The following MPPED2 variants were observed in gnomAD, a reference collection of about 807,000 sequenced individuals.
MPPED2 encodes the protein metallophosphoesterase MPPED2.
Under a neutral mutation model 33.0 loss-of-function variants are expected in MPPED2, and 5 were observed. That is an observed-to-expected ratio of 0.15 (90% CI 0.08 to 0.32). MPPED2 has a LOEUF of 0.32. Among genes scored for constraint, MPPED2 ranks in the 10% least tolerant of loss-of-function variants. The pLI, the probability that MPPED2 is intolerant of heterozygous loss-of-function variation, is 1.00. For synonymous variants in MPPED2, 136 were observed against 141.9 expected (o/e 0.96, Z 0.29); for missense variants, 275 against 372.1 (o/e 0.74, Z 2.15).
At chr11:30,478,927 G>T (rs975304632) in intron 4 of MPPED2, among the ~76,000 whole-genome samples, 7 of 152,084 alleles carry the variant, frequency 4.6e-5, no homozygotes, top group African/African-American at 1.7e-4. Context: ...AGAGAAAAAA[G>T]TTCTTGATGC....
At chr11:30,409,153 C>G (rs1948034536), downstream of MPPED2, among the ~76,000 whole-genome samples, 1 of 152,154 alleles carries the variant, frequency 6.6e-6, no homozygotes, top group Non-Finnish European at 1.5e-5. Context: ...ATCGTGATTA[C>G]CCACCTATCT....
intron 4 of MPPED2, among the ~76,000 whole-genome samples, chr11:30,428,774 G>C (rs1050047832): frequency 6.6e-6 from 1 of 152,104 alleles, no homozygotes; most frequent in Non-Finnish European, 1.5e-5. Context: ...GATTAAATGT[G>C]ATAATATATG....
intron 3 of MPPED2, among the ~76,000 whole-genome samples, chr11:30,516,684 C>T (rs1382580049): frequency 6.6e-6 from 1 of 152,110 alleles, no homozygotes; most frequent in Non-Finnish European, 1.5e-5. Flanking sequence ...TTCAATGGCA[C>T]TGTAATGCCC....
At chr11:30,523,474 G>A (rs1251985927) in intron 3 of MPPED2, among the ~76,000 whole-genome samples, 1 of 151,990 alleles carries the variant, frequency 6.6e-6, no homozygotes, top group Admixed American at 6.6e-5. Context: ...GATAGGACAG[G>A]ATATTAACAA....
chr11:30,408,964 G>A (rs974554386), downstream of MPPED2, among the ~76,000 whole-genome samples: 23 of 152,182 alleles, frequency 1.5e-4, no homozygotes, highest in Non-Finnish European at 5.9e-5. Flanking sequence ...GAGGCAGCTC[G>A]TGCATATGAA....
chr11:30,408,388 T>G (rs987133001), downstream of MPPED2, among the ~76,000 whole-genome samples: 4 of 152,204 alleles, frequency 2.6e-5, no homozygotes, highest in African/African-American at 9.7e-5. Flanking sequence ...CGGCGCTCAC[T>G]GCAACCTCTG....
chr11:30,562,466 T>A (rs763489726), intron 2 of MPPED2, among the ~76,000 whole-genome samples: 4 of 152,178 alleles, frequency 2.6e-5, no homozygotes, highest in Non-Finnish European at 5.9e-5. Context: ...TCTTTCACGT[T>A]TGGGAGAAGA....
At chr11:30,584,172 T>G (rs556792018) in intron 1 of MPPED2, 1 of 152,140 alleles carries the variant, frequency 6.6e-6, no homozygotes, top group Non-Finnish European at 1.5e-5. Context: ...GACACATTCT[T>G]TCGGAGAGGG....
chr11:30,525,904 A>G (rs1335963974), intron 3 of MPPED2, among the ~76,000 whole-genome samples: 2 of 152,224 alleles, frequency 1.3e-5, no homozygotes, highest in Non-Finnish European at 2.9e-5. Flanking sequence ...CAAAAGACCT[A>G]GTCATCTTGT....
intron 5 of MPPED2, among the ~76,000 whole-genome samples, chr11:30,416,355 C>T (rs1204942838): frequency 6.6e-6 from 1 of 152,348 alleles, no homozygotes; most frequent in East Asian, 1.9e-4. Context: ...TGGGCCACTT[C>T]CCTTGTAAGA....
intron 3 of MPPED2, among the ~76,000 whole-genome samples, chr11:30,511,913 C>T (rs991568996): frequency 7.2e-5 from 11 of 152,184 alleles, no homozygotes; most frequent in Non-Finnish European, 1.0e-4. Context: ...TGTGTGTATA[C>T]TCTGAACGTC....
intron 2 of MPPED2, among the ~76,000 whole-genome samples, chr11:30,552,883 T>C (rs1359252603): frequency 1.3e-5 from 2 of 152,096 alleles, no homozygotes; most frequent in South Asian, 2.1e-4. Flanking sequence ...TCACGATAGG[T>C]AAGAATCACC....
upstream of MPPED2, among the ~76,000 whole-genome samples, chr11:30,586,483 G>A (rs936149381): frequency 6.6e-6 from 1 of 151,926 alleles, no homozygotes; most frequent in Non-Finnish European, 1.5e-5. This position sits in a 1 kb window ranked among gnomAD's most constrained non-coding sequence, Gnocchi z 4.8. Context: ...CTGCCCACTC[G>A]GACCCCCACC....
At chr11:30,432,074 CA>C (rs1229230097) in intron 4 of MPPED2, among the ~76,000 whole-genome samples, 1 of 151,572 alleles carries the variant, frequency 6.6e-6, no homozygotes, top group Non-Finnish European at 1.5e-5. Context: ...GAGGCTGAAG[CA>C]TGAGAATTGC....
At chr11:30,440,819 A>C (rs1949538198) in intron 4 of MPPED2, among the ~76,000 whole-genome samples, 2 of 152,224 alleles carry the variant, frequency 1.3e-5, no homozygotes, top group African/African-American at 4.8e-5. Flanking sequence ...CTATCAGCTC[A>C]GAGTTACCAC....
At chr11:30,570,263 A>G (rs1956633560) in intron 2 of MPPED2, among the ~76,000 whole-genome samples, 1 of 152,086 alleles carries the variant, frequency 6.6e-6, no homozygotes, top group South Asian at 2.1e-4. Flanking sequence ...CTCATATGAA[A>G]GAAGAACAAG....
At chr11:30,510,914 C>T (rs919779063) in intron 3 of MPPED2, among the ~76,000 whole-genome samples, 3 of 152,150 alleles carry the variant, frequency 2.0e-5, no homozygotes, top group African/African-American at 7.2e-5. Context: ...TTCAGTTCTT[C>T]AGGTTAAACT....
chr11:30,504,871 A>C, intron 3 of MPPED2: 1 of 1,147,730 alleles, frequency 8.7e-7, no homozygotes, highest in Non-Finnish European at 1.2e-6. Context: ...TATTACAATA[A>C]TGTCAGGGCT....
intron 3 of MPPED2, among the ~76,000 whole-genome samples, chr11:30,507,439 A>C (rs1235187276): frequency 2.0e-5 from 3 of 152,218 alleles, no homozygotes; most frequent in African/African-American, 7.2e-5. Context: ...TGTCAATTTT[A>C]ATAATATCCA....
Sources: allele counts gnomAD v4.1 joint callset (sites outside exome capture counted in the v4.1 genomes callset), GRCh38; gene constraint gnomAD v4.1.1; non-coding constraint Gnocchi (gnomAD v3.1); transcripts MANE v1.5; gene names NCBI Gene and HGNC (gene_info 2026-07-23, HGNC 2026-07-21).